Variants in CDC27 observed in about 807,000 individuals in gnomAD.
CDC27 encodes cell division cycle protein 27 homolog.
Under a neutral mutation model 109.7 loss-of-function variants are expected in CDC27, and 27 were observed. That is an observed-to-expected ratio of 0.25 (90% CI 0.18 to 0.34). The LOEUF is 0.34. Ranked by LOEUF, CDC27 falls within the 10% of genes least tolerant of loss-of-function variation. The pLI, the probability that CDC27 is intolerant of heterozygous loss-of-function variation, is 1.00. For missense variants in CDC27, 579 were observed against 960.2 expected, an observed-to-expected ratio of 0.60 and a Z score of 5.25; for synonymous variants, 266 against 333.9, an observed-to-expected ratio of 0.80 and a Z score of 2.22.
intron 4 of CDC27, 31 bp from the exon 5 acceptor site, chr17:47,158,334 C>G (rs772653494): frequency 1.7e-6 from 2 of 1,163,162 alleles, no homozygotes; most frequent in Non-Finnish European, 2.4e-6. Context: ...ATTAAATAAG[C>G]TACAAACCCC....
At chr17:47,154,088 C>CAAAAA (rs536543231) in intron 8 of CDC27, among the ~76,000 whole-genome samples, 1 of 70,670 alleles carries the variant, frequency 1.4e-5, no homozygotes, top group African/African-American at 5.9e-5. Context: ...GACCCTGTCT[C>CAAAAA]AAAAAAAAAA....
intron 1 of CDC27, chr17:47,188,755 G>A (rs2064549644): frequency 9.5e-7 from 1 of 1,049,290 alleles, no homozygotes; most frequent in Admixed American, 5.1e-5. Context: ...CCGTCACGAA[G>A]ATCACACAAG....
At chr17:47,176,916 G>GT (rs201479165) in intron 2 of CDC27, among the ~76,000 whole-genome samples, 3,520 of 151,656 alleles carry the variant, frequency 0.023, 50 homozygotes, top group Middle Eastern at 0.072. Context: ...TGGTAAATAA[G>GT]TTTTTTTTTA....
rs201599370 is a variant in CDC27 at position 47,170,329 on chromosome 17, CT to C, written c.252-288del. ...CCTCTTGCATCAGCCTTGTGAGTAG[CT>C]GGGACTACAGGTGCACACCACCACA... On this transcript the variant is annotated intron_variant, in intron 3 of 18. Transcript: ENST00000066544. 5.7e-4 allele frequency: 110 copies of C among 191,982 alleles called. 1 individual carries two copies. The East Asian group carries it at 0.013, about 23-fold the overall frequency. 11.9% of individuals were successfully genotyped at this position (191,982 alleles called of 1,614,324 possible). A position where few individuals can be genotyped will look rare whatever the true frequency, so the allele number is the denominator to read the frequency against.
intron 2 of CDC27, among the ~76,000 whole-genome samples, chr17:47,176,557 G>A (rs931331279): frequency 2.6e-4 from 40 of 152,264 alleles, no homozygotes; most frequent in African/African-American, 7.2e-4. Context: ...GGCAGAAAAT[G>A]GCAATATATG....
chr17:47,122,956 C>T (rs1041163459), intron 17 of CDC27, among the ~76,000 whole-genome samples: 2 of 152,204 alleles, frequency 1.3e-5, no homozygotes, highest in East Asian at 1.9e-4. Flanking sequence ...TGTGAGCCAC[C>T]GCGCCCAGCC....
intron 16 of CDC27, among the ~76,000 whole-genome samples, chr17:47,127,448 G>T (rs1437614597): frequency 1.3e-5 from 2 of 151,946 alleles, no homozygotes; most frequent in Non-Finnish European, 2.9e-5. Flanking sequence ...TGTTGCCCAG[G>T]CTGGAGCGCA....
intron 2 of CDC27, among the ~76,000 whole-genome samples, chr17:47,175,229 A>G (rs898074033): frequency 7.2e-5 from 11 of 152,250 alleles, no homozygotes; most frequent in African/African-American, 2.7e-4. Flanking sequence ...ATACATTTAC[A>G]TCAAACAGAA....
At chr17:47,154,295 C>A (rs1247538733) in intron 8 of CDC27, among the ~76,000 whole-genome samples, 3 of 151,340 alleles carry the variant, frequency 2.0e-5, no homozygotes, top group South Asian at 4.2e-4. Context: ...GTGGTAGGGA[C>A]AAGTAAAAAC....
At chr17:47,186,713 G>A (rs996865250) in intron 1 of CDC27, among the ~76,000 whole-genome samples, 7 of 151,980 alleles carry the variant, frequency 4.6e-5, no homozygotes, top group African/African-American at 1.7e-4. Context: ...TTTTAATTTA[G>A]GCATATATGG....
rs76894625 is a variant in CDC27, at chr17:47,142,269, T to A, written c.1338A>T (p.Thr446=). The stretch of plus-strand genomic sequence containing the variant: ...GTAGATTAAAGGCCTGAATCTGAGG[T>A]GTGATTGTGGATATTTTCCCTTCTG... ...IISEGKISTI[T]PQIQAFNLQK... is the part of the protein sequence containing the mutation. The change falls in exon 11 of 19, where the codon ACA becomes ACT. Residue 446 remains threonine (T), a synonymous_variant. Transcript: ENST00000066544. The A allele has an allele frequency of 6.2e-7, 1 of 1,605,372 alleles. No homozygotes were observed.
Position 47,170,057 on chromosome 17 carries a change from T to A in CDC27, c.252-15A>T, listed in dbSNP as rs1476067990. The A allele has an allele frequency of 6.8e-7, 1 of 1,463,062 alleles. No individual in the cohort carries two copies. The highest frequency in any genetic ancestry group is 1.5e-5 in the African/African-American group (1 of 68,668). The allele number at this position is 1,463,062 out of a possible 1,614,324, so 90.6% of individuals were successfully genotyped here. A position where few individuals can be genotyped will look rare whatever the true frequency, so the allele number is the denominator to read the frequency against. On this transcript the variant is annotated splice_polypyrimidine_tract_variant and intron_variant, in intron 3 of 18. Transcript: ENST00000066544. Reference sequence around the variant, plus strand: ...CTTCTGCAAGCCTTTAAAATACAAATTTAAAGATTTTTAAAAACCAATATA... The same window carrying A: ...CTTCTGCAAGCCTTTAAAATACAAAATTAAAGATTTTTAAAAACCAATATA...
rs2061945891 is a variant in CDC27, at chr17:47,119,814, T to A, written c.*1121A>T. The A allele has an allele frequency of 6.6e-6, 1 of 152,188 alleles. No homozygotes were observed. The highest frequency in any genetic ancestry group is 2.4e-5 in the African/African-American group (1 of 41,448). The allele number at this position is 152,188 out of a possible 1,614,324, so 9.4% of individuals were successfully genotyped here. On this transcript the variant is annotated 3_prime_UTR_variant, in exon 19 of 19. Coordinates refer to ENST00000066544, the MANE Select transcript of CDC27 (RefSeq NM_001256.6). ...TGTTTTTTCCCCCAAGCTAAAAATTTCCAACATCCTAAACCCAATTACTCT... is the reference window on the plus strand; with the variant it reads ...TGTTTTTTCCCCCAAGCTAAAAATTACCAACATCCTAAACCCAATTACTCT...
chr17:47,159,491 C>T (rs1311037270), intron 4 of CDC27: 8 of 540,026 alleles, frequency 1.5e-5, no homozygotes, highest in African/African-American at 9.8e-5. Flanking sequence ...TGCGACGAGG[C>T]GCACCAGCAC....
At chr17:47,188,903 G>C in intron 1 of CDC27, 2 of 1,385,892 alleles carry the variant, frequency 1.4e-6, no homozygotes, top group Non-Finnish European at 1.9e-6. Flanking sequence ...TGGCTCGGAC[G>C]GGAAAGGCGG....
chr17:47,152,362 T>TA (rs2063176765), intron 8 of CDC27, among the ~76,000 whole-genome samples: 4 of 152,178 alleles, frequency 2.6e-5, no homozygotes, highest in Admixed American at 6.5e-5. Context: ...TGGCACTTGG[T>TA]AACAGTTCTA....
rs570881018 is a variant in CDC27 at position 47,126,622 on chromosome 17, A to C, written c.2161-2662T>G. On this transcript the variant is annotated intron_variant, in intron 16 of 18. Coordinates refer to ENST00000066544, the MANE Select transcript of CDC27 (RefSeq NM_001256.6). ...AAGTAAACGCTGATTTATGTGGCCT[A>C]TCTGGTAGGTATGTTGGTATTAAAA... Among the ~76,000 whole-genome samples the C allele has an allele frequency of 3.3e-5, 5 of 152,304 alleles. No homozygotes were observed. The South Asian group carries it at 8.3e-4, about 25-fold the overall frequency.
At chr17:47,141,593 A>C (rs2062794509) in intron 12 of CDC27, among the ~76,000 whole-genome samples, 1 of 152,226 alleles carries the variant, frequency 6.6e-6, no homozygotes, top group African/African-American at 2.4e-5. Flanking sequence ...ACACAACTGA[A>C]TAGGACACAC....
chr17:47,148,809 G>T (rs2063058394), intron 9 of CDC27, among the ~76,000 whole-genome samples: 1 of 152,176 alleles, frequency 6.6e-6, no homozygotes, highest in Non-Finnish European at 1.5e-5. Flanking sequence ...GCCAGGCGTA[G>T]TGGCTCATGC....
Sources: gnomAD v4.1 joint callset for allele counts (sites outside exome capture counted in the v4.1 genomes callset) on GRCh38, gnomAD v4.1.1 for gene constraint, MANE v1.5 for transcripts, NCBI Gene and HGNC (gene_info 2026-07-23, HGNC 2026-07-21) for gene names.